FRMD4A: variants seen among roughly 807,000 people sequenced by gnomAD.
The protein encoded by FRMD4A is FERM domain-containing protein 4A.
Under a neutral mutation model 129.1 loss-of-function variants are expected in FRMD4A, and 29 were observed. The observed-to-expected ratio is 0.22, with a 90% CI of 0.17 to 0.31. The LOEUF (loss-of-function observed/expected upper bound fraction) is 0.31, where lower values mean the gene tolerates loss of function less well. Ranked by LOEUF, FRMD4A falls within the 10% of genes least tolerant of loss-of-function variation. FRMD4A has a pLI of 1.00. For synonymous variants in FRMD4A, 634 were observed against 571.6 expected (o/e 1.11, Z -1.56); for missense variants, 1,272 against 1,375.8 (o/e 0.92, Z 1.19).
intron 2 of FRMD4A, among the ~76,000 whole-genome samples, chr10:14,286,974 C>A (rs750126512): frequency 6.6e-6 from 1 of 152,148 alleles, no homozygotes; most frequent in African/African-American, 2.4e-5. Context: ...ATTGGAACAA[C>A]ACATTTGCAT....
chr10:14,026,085 T>G (rs1381442766), intron 2 of FRMD4A, among the ~76,000 whole-genome samples: 1 of 152,162 alleles, frequency 6.6e-6, no homozygotes, highest in Non-Finnish European at 1.5e-5. Flanking sequence ...GGTCTCCTGA[T>G]TCCAAACAGA....
intron 2 of FRMD4A, among the ~76,000 whole-genome samples, chr10:14,059,616 G>A (rs989604713): frequency 2.6e-5 from 4 of 152,154 alleles, no homozygotes; most frequent in Non-Finnish European, 4.4e-5. Flanking sequence ...ATCCAGAACT[G>A]TGAGAAATAC....
chr10:14,297,668 A>C (rs909804188), intron 2 of FRMD4A, among the ~76,000 whole-genome samples: 3 of 152,126 alleles, frequency 2.0e-5, no homozygotes, highest in Non-Finnish European at 4.4e-5. Flanking sequence ...TACGTTAACC[A>C]CTTTTTGTAA....
intron 2 of FRMD4A, among the ~76,000 whole-genome samples, chr10:13,940,160 T>C (rs2095280192): frequency 1.3e-5 from 2 of 151,890 alleles, no homozygotes; most frequent in Admixed American, 1.3e-4. Context: ...AGTGAAGTCA[T>C]GTTTCTCAGT....
intron 6 of FRMD4A, among the ~76,000 whole-genome samples, chr10:13,775,395 C>T (rs983986433): frequency 7.2e-5 from 11 of 152,096 alleles, no homozygotes; most frequent in Admixed American, 7.2e-4. Context: ...TGGGCTTTTC[C>T]AGAGCAACGC....
At chr10:14,213,910 T>C (rs530460025) in intron 2 of FRMD4A, among the ~76,000 whole-genome samples, 2 of 152,306 alleles carry the variant, frequency 1.3e-5, no homozygotes, top group South Asian at 4.1e-4. Flanking sequence ...TTCACTTGGG[T>C]TTCGTTCTCT....
chr10:14,185,541 G>A lies in FRMD4A; in HGVS notation c.45+144517C>T, dbSNP rs80278380. Among the ~76,000 whole-genome samples the A allele has an allele frequency of 4.4e-4, 66 of 151,482 alleles. 2 individuals carry two copies. In the East Asian group the frequency reaches 0.011, roughly 25 times the overall value. On this transcript the variant is annotated intron_variant, in intron 2 of 24. Transcript: ENST00000357447. ...GTTTGTTGTAGAACTATGGAAACTT[G>A]AAACATAAAGCAAGACTATTTAAAG...
At chr10:13,740,448 T>C in intron 10 of FRMD4A, 64 bp downstream of exon 10, 2 of 1,001,136 alleles carry the variant, frequency 2.0e-6, no homozygotes, top group Non-Finnish European at 1.6e-6. Flanking sequence ...TGAACAATCC[T>C]GACATACGAT....
chr10:13,727,083 G>A (rs993329224), intron 12 of FRMD4A, among the ~76,000 whole-genome samples: 1 of 151,832 alleles, frequency 6.6e-6, no homozygotes, highest in Non-Finnish European at 1.5e-5. Flanking sequence ...TGTATTTTTA[G>A]TAGAGACGGG....
At chr10:14,284,873 T>G (rs1184261577) in intron 2 of FRMD4A, among the ~76,000 whole-genome samples, 1 of 152,160 alleles carries the variant, frequency 6.6e-6, no homozygotes, top group African/African-American at 2.4e-5. Flanking sequence ...CTCAAATGCT[T>G]CTTCCTCTGG....
At chr10:13,928,154 G>T (rs1372251834) in intron 2 of FRMD4A, among the ~76,000 whole-genome samples, 1 of 151,640 alleles carries the variant, frequency 6.6e-6, no homozygotes, top group Non-Finnish European at 1.5e-5. Flanking sequence ...CCAAGTAGTT[G>T]GGACTATAGG....
chr10:14,000,473 C>G (rs2095637851), intron 2 of FRMD4A, among the ~76,000 whole-genome samples: 1 of 151,570 alleles, frequency 6.6e-6, no homozygotes, highest in Non-Finnish European at 1.5e-5. Context: ...CTGGTGAAAC[C>G]CTGTCTCTAC....
At chr10:13,901,541 G>A (rs531278556) in intron 2 of FRMD4A, among the ~76,000 whole-genome samples, 2 of 151,374 alleles carry the variant, frequency 1.3e-5, no homozygotes, top group East Asian at 1.9e-4. Flanking sequence ...CCCAGGAGGT[G>A]GAGGTTGCAG....
chr10:14,122,223 A>G (rs1838565603), intron 2 of FRMD4A, among the ~76,000 whole-genome samples: 1 of 152,214 alleles, frequency 6.6e-6, no homozygotes, highest in Non-Finnish European at 1.5e-5. Context: ...AGCATCACAT[A>G]ACACAAAAGT....
rs2095705958 is a variant in FRMD4A, at chr10:14,018,414, C to T, written c.46-159502G>A. Among the ~76,000 whole-genome samples, 3 of 137,416 alleles carry T rather than the reference C, an allele frequency of 2.2e-5. No homozygotes were observed. The South Asian group carries it at 7.0e-4, about 32-fold the overall frequency. The allele number at this position is 137,416 out of a possible 152,430, so 90.2% of individuals were successfully genotyped here. ...GAGGTTGCAGTGAGCCGAGGTCGTG[C>T]CACTGCACTCCAGCCTGGGCGACAA... On this transcript the variant is annotated intron_variant, in intron 2 of 24. Coordinates refer to ENST00000357447, the MANE Select transcript of FRMD4A (RefSeq NM_018027.5).
At chr10:14,171,470 G>A (rs997246935) in intron 2 of FRMD4A, among the ~76,000 whole-genome samples, 15 of 152,192 alleles carry the variant, frequency 9.9e-5, no homozygotes, top group Admixed American at 2.6e-4. Flanking sequence ...GAGGCCAGCT[G>A]CCACCCTGTC....
chr10:13,924,304 T>TAATTAAGAG (rs2095105597), intron 2 of FRMD4A, among the ~76,000 whole-genome samples: 1 of 152,190 alleles, frequency 6.6e-6, no homozygotes, highest in African/African-American at 2.4e-5. Flanking sequence ...ACTTCTCATC[T>TAATTAAGAG]AATTAAGAGT....
intron 2 of FRMD4A, among the ~76,000 whole-genome samples, chr10:13,917,735 C>A (rs1213354995): frequency 6.6e-6 from 1 of 152,174 alleles, no homozygotes; most frequent in Non-Finnish European, 1.5e-5. Context: ...TTCTCATTCC[C>A]CAGTTGGCAG....
At chr10:13,903,446 A>G (rs1395246656) in intron 2 of FRMD4A, among the ~76,000 whole-genome samples, 1 of 152,200 alleles carries the variant, frequency 6.6e-6, no homozygotes. Flanking sequence ...ATATTTGTTG[A>G]GGCCGTGCAT....
Sources: allele counts gnomAD v4.1 joint callset (sites outside exome capture counted in the v4.1 genomes callset), GRCh38; gene constraint gnomAD v4.1.1; transcripts MANE v1.5; gene names NCBI Gene and HGNC (gene_info 2026-07-23, HGNC 2026-07-21).